TMEM135: variants seen among roughly 807,000 people sequenced by gnomAD.
The protein encoded by TMEM135 is transmembrane protein 135.
In TMEM135, 30 loss-of-function variants were observed where a neutral mutation model predicts 60.3. The ratio of observed to expected loss-of-function variants is 0.50; its 90% confidence interval spans 0.37 to 0.68. The LOEUF is 0.68. TMEM135 is among the 30% of genes least tolerant of loss of function. The pLI is 0.00. For synonymous variants in TMEM135, 190 were observed against 186.7 expected (o/e 1.02, Z -0.14); for missense variants, 468 against 548.8 (o/e 0.85, Z 1.47).
intron 6 of TMEM135, among the ~76,000 whole-genome samples, chr11:87,252,161 G>A (rs1430950156): frequency 1.3e-5 from 2 of 151,924 alleles, no homozygotes; most frequent in Non-Finnish European, 2.9e-5. Context: ...CTCTTTCTTA[G>A]ACTGGAGAGA....
intron 1 of TMEM135, 102 bp downstream of exon 1, chr11:87,038,288 C>T: frequency 1.8e-6 from 2 of 1,117,470 alleles, no homozygotes; most frequent in Non-Finnish European, 2.5e-6. Context: ...TGCCTTGTGT[C>T]GGGCTCTCTT....
At chr11:87,229,590 A>C (rs998579712) in intron 5 of TMEM135, among the ~76,000 whole-genome samples, 1 of 152,176 alleles carries the variant, frequency 6.6e-6, no homozygotes, top group Admixed American at 6.6e-5. Flanking sequence ...TTAAAAATGT[A>C]CTTGTCCTTT....
chr11:87,098,608 A>G (rs529024053), intron 4 of TMEM135, among the ~76,000 whole-genome samples: 43 of 152,284 alleles, frequency 2.8e-4, no homozygotes, highest in African/African-American at 9.4e-4. Flanking sequence ...GTGATAATAA[A>G]TACTACAACC....
At chr11:87,302,188 A>C in intron 7 of TMEM135, 108 bp from the exon 8 acceptor site, 1 of 1,158,054 alleles carries the variant, frequency 8.6e-7, no homozygotes, top group South Asian at 1.5e-5. Context: ...ACTATCTCAA[A>C]TGATAAAATA....
At chr11:87,140,598 G>A (rs1471468345) in intron 4 of TMEM135, among the ~76,000 whole-genome samples, 1 of 152,142 alleles carries the variant, frequency 6.6e-6, no homozygotes, top group Non-Finnish European at 1.5e-5. Context: ...ATGTGGGATA[G>A]GATATATATT....
chr11:87,112,096 GT>G (rs1231092525), intron 4 of TMEM135, among the ~76,000 whole-genome samples: 3 of 152,202 alleles, frequency 2.0e-5, no homozygotes, highest in Middle Eastern at 3.4e-3. Flanking sequence ...TTTATTTATG[GT>G]TTTTTAATTA....
At chr11:87,257,637 A>G (rs1189800670) in intron 6 of TMEM135, among the ~76,000 whole-genome samples, 2 of 152,224 alleles carry the variant, frequency 1.3e-5, no homozygotes, top group Non-Finnish European at 2.9e-5. Flanking sequence ...TAAACGTCAT[A>G]TTTATATGAT....
In TMEM135 at chr11:87,323,191, C is replaced by CA. The variant is rs1565173094; in HGVS notation, c.*1863dup. ...GATTGTTTAGTAAAATTTTGCTGGT[C>CA]AAAAAGGTGTATTTCTACAATTTAC... On this transcript the variant is annotated 3_prime_UTR_variant, in exon 15 of 15. Coordinates refer to ENST00000305494, the MANE Select transcript of TMEM135 (RefSeq NM_022918.4). 3 of 453,580 alleles carry CA rather than the reference C, an allele frequency of 6.6e-6. No homozygotes were observed. The highest frequency in any genetic ancestry group is 4.7e-5 in the Admixed American group (2 of 42,490). 28.1% of individuals were successfully genotyped at this position (453,580 alleles called of 1,614,324 possible). A position where few individuals can be genotyped will look rare whatever the true frequency, so the allele number is the denominator to read the frequency against.
At chr11:87,202,921 T>C (rs1476289550) in intron 5 of TMEM135, among the ~76,000 whole-genome samples, 1 of 149,224 alleles carries the variant, frequency 6.7e-6, no homozygotes, top group African/African-American at 2.5e-5. Flanking sequence ...TAGTCCCAGC[T>C]ACTCGGGAGG....
chr11:87,183,621 A>G (rs1241494059), intron 5 of TMEM135, among the ~76,000 whole-genome samples: 1 of 152,124 alleles, frequency 6.6e-6, no homozygotes, highest in African/African-American at 2.4e-5. Flanking sequence ...ATGCATTGAC[A>G]CTAAAACTTG....
chr11:87,289,435 ATCTTTTTTTTTTTTT>A (rs1942225879), intron 6 of TMEM135, among the ~76,000 whole-genome samples: 1 of 90,632 alleles, frequency 1.1e-5, no homozygotes, highest in South Asian at 3.7e-4. Flanking sequence ...ATATCTCCAT[ATCTTTTTTTTTTTTT>A]TTTTTTTTTT....
At chr11:87,241,858 A>T (rs1038233945) in intron 6 of TMEM135, among the ~76,000 whole-genome samples, 21 of 149,412 alleles carry the variant, frequency 1.4e-4, no homozygotes, top group African/African-American at 5.1e-4. Context: ...TTAAAAAAAA[A>T]TTTATTATTA....
chr11:87,265,337 C>T (rs1246630309), intron 6 of TMEM135, among the ~76,000 whole-genome samples: 1 of 151,946 alleles, frequency 6.6e-6, no homozygotes, highest in Non-Finnish European at 1.5e-5. Flanking sequence ...GAAGCAAGTA[C>T]TGAGTCAGAC....
intron 2 of TMEM135, among the ~76,000 whole-genome samples, chr11:87,069,869 T>G (rs1856741967): frequency 6.6e-6 from 1 of 152,122 alleles, no homozygotes; most frequent in Non-Finnish European, 1.5e-5. Context: ...AATCTGAGCT[T>G]CAGTTTAAGA....
chr11:87,123,306 C>G (rs541030273), intron 4 of TMEM135, among the ~76,000 whole-genome samples: 10 of 152,160 alleles, frequency 6.6e-5, no homozygotes, highest in African/African-American at 2.4e-4. Flanking sequence ...TTCCTTGCCT[C>G]TTTGAGCTTC....
intron 11 of TMEM135, 47 bp downstream of exon 11, chr11:87,313,535 G>C (rs916048420): frequency 8.1e-6 from 12 of 1,476,036 alleles, no homozygotes; most frequent in Non-Finnish European, 1.1e-5. Context: ...TTAATCAGTG[G>C]TAGGAATGAA....
chr11:87,264,666 T>C (rs1462632342), intron 6 of TMEM135, among the ~76,000 whole-genome samples: 1 of 151,946 alleles, frequency 6.6e-6, no homozygotes, highest in African/African-American at 2.4e-5. Flanking sequence ...ATCTCTACAA[T>C]GTAGTTCCAG....
chr11:87,288,750 C>T (rs982158274), intron 6 of TMEM135, among the ~76,000 whole-genome samples: 1 of 152,088 alleles, frequency 6.6e-6, no homozygotes, highest in African/African-American at 2.4e-5. Context: ...GCATCTGTAT[C>T]CTTTCTCATA....
intron 4 of TMEM135, among the ~76,000 whole-genome samples, chr11:87,134,042 T>G (rs952227827): frequency 6.6e-6 from 1 of 151,762 alleles, no homozygotes; most frequent in Non-Finnish European, 1.5e-5. Context: ...CTAGGGGTGC[T>G]GGTTATATTA....
Sources: gnomAD v4.1 joint callset for allele counts (sites outside exome capture counted in the v4.1 genomes callset) on GRCh38, gnomAD v4.1.1 for gene constraint, MANE v1.5 for transcripts, NCBI Gene and HGNC (gene_info 2026-07-23, HGNC 2026-07-21) for gene names.